SLC12A7: variants seen among roughly 807,000 people sequenced by gnomAD.
SLC12A7 encodes the protein K-Cl cotransporter 4.
SLC12A7 carries 100 observed loss-of-function variants against 120.6 expected under a neutral mutation model. The ratio of observed to expected loss-of-function variants is 0.83; its 90% CI spans 0.71 to 0.98. The LOEUF is 0.98. Ranked by LOEUF, SLC12A7 falls within the 50% of genes least tolerant of loss-of-function variation. The pLI, the probability that SLC12A7 is intolerant of heterozygous loss-of-function variation, is 0.00. For synonymous variants in SLC12A7, 760 were observed against 678.0 expected (o/e 1.12, Z -1.88); for missense variants, 1,373 against 1,548.1 (o/e 0.89, Z 1.90).
the SLC12A7 span, among the ~76,000 whole-genome samples, chr5:1,144,302 G>C: frequency 3.3e-5 from 5 of 152,134 alleles, no homozygotes; most frequent in Non-Finnish European, 4.4e-5. Flanking sequence ...CCCACGTCCC[G>C]GGCTCCACGC....
chr5:1,095,492 C>A lies in SLC12A7; in HGVS notation c.125-1244G>T, dbSNP rs1488206496. Reference sequence around the variant, plus strand: ...TGCCCCATGTGCTGCACACCAGCTCCCCAGACTGGGAACGACCAAGCCGGG... The same window carrying A: ...TGCCCCATGTGCTGCACACCAGCTCACCAGACTGGGAACGACCAAGCCGGG... On this transcript the variant is annotated intron_variant, in intron 1 of 23. Transcript: ENST00000264930. Among the ~76,000 whole-genome samples, 5 of 152,362 alleles carry A rather than the reference C, an allele frequency of 3.3e-5. No homozygotes were observed. The East Asian group carries it at 9.6e-4, about 29-fold the overall frequency.
At chr5:1,125,174 G>A in the SLC12A7 span, among the ~76,000 whole-genome samples, 1 of 152,128 alleles carries the variant, frequency 6.6e-6, no homozygotes, top group African/African-American at 2.4e-5. Flanking sequence ...AAAGATAATG[G>A]AAAATCCCCC....
At position 1,053,492 on chromosome 5, in the gene SLC12A7, A is replaced by T. The variant is rs774296368; in HGVS notation, c.3027-10T>A. 5 of 1,611,902 alleles carry T rather than the reference A, an allele frequency of 3.1e-6. No individual in the cohort carries two copies. The South Asian group carries it at 4.4e-5, about 14-fold the overall frequency. On this transcript the variant is annotated splice_polypyrimidine_tract_variant and intron_variant, in intron 22 of 23. Coordinates refer to ENST00000264930, the MANE Select transcript of SLC12A7 (RefSeq NM_006598.3). ...GACGTTGGACTGGTCCCTGCAGGGG[A>T]GGTGGGCACGGTCAGCGGGCGGCGG...
chr5:1,076,737 T>C lies in SLC12A7; in HGVS notation c.1705A>G (p.Ile569Val). The change falls in exon 13 of 24, where the codon ATC becomes GTC. Residue 569 changes from isoleucine to valine, a missense_variant. By Grantham distance (29) the Ile-to-Val change is conservative. Coordinates refer to ENST00000264930, the MANE Select transcript of SLC12A7 (RefSeq NM_006598.3). ...LLTVLICETG[I>V]LIASLDSVAP... is the part of the protein sequence containing the mutation. ...ACGCTGTCCAGAGAGGCGATGAGGATGCCAGTCTCGCAGATGAGGACTGTC... is the reference window on the plus strand; with the variant it reads ...ACGCTGTCCAGAGAGGCGATGAGGACGCCAGTCTCGCAGATGAGGACTGTC... 6.2e-7 allele frequency: 1 copy of C among 1,611,680 alleles called. No individual in the cohort carries two copies. Among genetic ancestry groups the C allele is most frequent in the Non-Finnish European group, 8.5e-7 (1 of 1,179,938 alleles).
chr5:1,140,351 A>G, the SLC12A7 span, among the ~76,000 whole-genome samples: 1 of 152,146 alleles, frequency 6.6e-6, no homozygotes, highest in African/African-American at 2.4e-5. Context: ...CAATCTGCAC[A>G]CACAGCCACA....
the SLC12A7 span, among the ~76,000 whole-genome samples, chr5:1,148,176 T>A: frequency 3.9e-5 from 6 of 151,984 alleles, no homozygotes; most frequent in South Asian, 1.2e-3. Flanking sequence ...AGAGTTTGCT[T>A]TTTTTTGTTG....
chr5:1,095,639 G>A (rs887943157), intron 1 of SLC12A7, among the ~76,000 whole-genome samples: 1 of 152,224 alleles, frequency 6.6e-6, no homozygotes, highest in Non-Finnish European at 1.5e-5. Context: ...GCCGGAGGAG[G>A]GCAGGCCAAG....
At chr5:1,120,151 G>A in the SLC12A7 span, among the ~76,000 whole-genome samples, 2 of 152,262 alleles carry the variant, frequency 1.3e-5, no homozygotes, top group Non-Finnish European at 2.9e-5. Flanking sequence ...AATCATGGCT[G>A]CAGACCCTGC....
intron 22 of SLC12A7, chr5:1,056,583 G>A (rs1243190668): frequency 3.0e-6 from 3 of 985,428 alleles, no homozygotes; most frequent in African/African-American, 3.5e-5. Flanking sequence ...TGGACTTACA[G>A]GTTTCCCCAT....
intron 10 of SLC12A7, 109 bp downstream of exon 10, chr5:1,079,289 T>C: frequency 1.2e-6 from 1 of 833,998 alleles, no homozygotes. Flanking sequence ...CAGCCTAACC[T>C]GGGAAGTCAC....
At chr5:1,112,502 C>T (rs1264191006), upstream of SLC12A7, among the ~76,000 whole-genome samples, 1 of 47,872 alleles carries the variant, frequency 2.1e-5, no homozygotes, top group Non-Finnish European at 4.2e-5. Context: ...GCCCCCCTGC[C>T]CCTATGAACC....
intron 12 of SLC12A7, 21 bp from the exon 13 acceptor site, chr5:1,076,833 A>T: frequency 6.7e-7 from 1 of 1,499,164 alleles, no homozygotes; most frequent in Non-Finnish European, 9.2e-7. Context: ...AAGGGCAGGA[A>T]GATGGGGCAG....
rs1455484593 is a variant in SLC12A7, at chr5:1,064,225, T to G, written c.2465A>C (p.His822Pro). The change falls in exon 19 of 24, where the codon CAC becomes CCC. Residue 822 changes from histidine (H) to proline (P), a missense_variant. By Grantham distance (77) the His-to-Pro change is moderately conservative (BLOSUM62 -2). Transcript: ENST00000264930. Reference protein sequence around the residue: ...VDTVRDTTAAHQALLVAKNVD... With the variant: ...VDTVRDTTAAPQALLVAKNVD... ...GTTCTTGGCCACCAGCAGAGCCTGG[T>G]GCGCGGCGGTGGTGTCGCGGACGGT... 1 of 1,611,876 alleles carries G rather than the reference T, an allele frequency of 6.2e-7. No homozygotes were observed. The highest frequency in any genetic ancestry group is 1.1e-5 in the South Asian group (1 of 90,996).
intron 1 of SLC12A7, 84 bp from the exon 2 acceptor site, chr5:1,094,332 G>A (rs998938972): frequency 4.1e-6 from 4 of 973,170 alleles, no homozygotes; most frequent in African/African-American, 3.2e-5. Flanking sequence ...TTGCACGGAG[G>A]GCTCTGGTCC....
In SLC12A7 at chr5:1,089,051, G is replaced by A. The variant is rs753108265; in HGVS notation, c.420C>T (p.Arg140=). The A allele has an allele frequency of 3.1e-6, 5 of 1,613,090 alleles. 1 individual carries two copies. In the South Asian group the frequency reaches 4.4e-5, roughly 14 times the overall value. ...CAGCCACCCCCACGATCCACGTCAG[G>A]CGCAGGAAGAGGATGACGCCCAGGA... The part of the protein sequence containing the change: ...QNILGVILFL[R]LTWIVGVAGV... The change falls in exon 4 of 24, where the codon CGC becomes CGT. Residue 140 remains arginine, a synonymous_variant. Coordinates refer to ENST00000264930, the MANE Select transcript of SLC12A7 (RefSeq NM_006598.3).
chr5:1,136,439 CCAA>C, the SLC12A7 span, among the ~76,000 whole-genome samples: 6 of 133,246 alleles, frequency 4.5e-5, no homozygotes, highest in African/African-American at 1.2e-4. Flanking sequence ...TGCTCAGACA[CCAA>C]CACCAGGACA....
intron 22 of SLC12A7, among the ~76,000 whole-genome samples, chr5:1,054,136 G>A (rs1373199060): frequency 1.3e-5 from 2 of 152,242 alleles, no homozygotes; most frequent in African/African-American, 4.8e-5. Context: ...CCACTACTGG[G>A]TCCCCTCCTA....
intron 17 of SLC12A7, 99 bp downstream of exon 17, chr5:1,073,534 G>C (rs1737945051): frequency 7.6e-7 from 1 of 1,324,174 alleles, no homozygotes; most frequent in Non-Finnish European, 1.0e-6. Context: ...GCCACGCACA[G>C]CACCGTGTTG....
chr5:1,107,962 G>A (rs902250780), intron 1 of SLC12A7, among the ~76,000 whole-genome samples: 2 of 151,956 alleles, frequency 1.3e-5, no homozygotes, highest in Non-Finnish European at 2.9e-5. Context: ...ACCCAACACC[G>A]CGTGACCCTC....
Sources: gnomAD v4.1 joint callset for allele counts (sites outside exome capture counted in the v4.1 genomes callset) on GRCh38, gnomAD v4.1.1 for gene constraint, MANE v1.5 for transcripts, NCBI Gene and HGNC (gene_info 2026-07-23, HGNC 2026-07-21) for gene names.